The following DRGX variants were observed in gnomAD, a reference collection of about 807,000 sequenced individuals.
DRGX encodes the protein dorsal root ganglia homeobox protein.
Under a neutral mutation model 28.6 loss-of-function variants are expected in DRGX, and 21 were observed. The ratio of observed to expected loss-of-function variants is 0.73; its 90% CI spans 0.52 to 1.06. DRGX has a LOEUF of 1.06. DRGX is among the 50% of genes least tolerant of loss of function. DRGX has a pLI of 0.00. For synonymous variants in DRGX, 136 were observed against 139.1 expected, an observed-to-expected ratio of 0.98 and a Z score of 0.16; for missense variants, 354 against 343.9, an observed-to-expected ratio of 1.03 and a Z score of -0.23.
intron 2 of DRGX, chr10:49,391,706 C>CA (rs1849907426): frequency 2.2e-6 from 1 of 455,384 alleles, no homozygotes; most frequent in Non-Finnish European, 4.5e-6. Context: ...TTTCTATTAA[C>CA]AAGAATTAAA....
Position 49,391,182 on chromosome 10 carries a change from C to A in DRGX, c.114G>T (p.Thr38=), listed in dbSNP as rs374888788. 7 of 1,613,252 alleles carry A rather than the reference C, an allele frequency of 4.3e-6. No homozygotes were observed. The Admixed American group carries it at 1.0e-4, about 23-fold the overall frequency. The change falls in exon 3 of 7, where the codon ACG becomes ACT. Residue 38 remains threonine (T), a synonymous_variant. Transcript: ENST00000374139. ...FLRRKQRRNR[T]TFTLQQLEAL... ...TTGGTACCTGCTGAAGAGTGAACGT[C>A]GTCCGGTTCCGGCGCTGTTTTCTAC... is the stretch of plus-strand genomic sequence containing the variant.
intron 2 of DRGX, 127 bp downstream of exon 2, chr10:49,395,280 A>T (rs1849954272): frequency 8.5e-7 from 1 of 1,175,658 alleles, no homozygotes; most frequent in Non-Finnish European, 1.2e-6. Context: ...GGAGGCCCCT[A>T]CTCACCGGCA....
In DRGX at chr10:49,395,442, G is replaced by T; in HGVS notation, c.-2C>A. 1 of 1,550,234 alleles carries T rather than the reference G, an allele frequency of 6.5e-7. No homozygotes were observed. Among genetic ancestry groups the T allele is most frequent in the Non-Finnish European group, 8.7e-7 (1 of 1,146,892 alleles). Reference sequence around the variant, plus strand: ...TGGCGGGCAGTGGAAATAAAACATCGCCGGCTGTCAGATCGGCTGGACGGC... The same window carrying T: ...TGGCGGGCAGTGGAAATAAAACATCTCCGGCTGTCAGATCGGCTGGACGGC... On this transcript the variant is annotated 5_prime_UTR_variant, in exon 2 of 7. Coordinates refer to ENST00000374139, the MANE Select transcript of DRGX (RefSeq NM_001276451.2).
chr10:49,387,661 A>C (rs1849854725), intron 4 of DRGX, among the ~76,000 whole-genome samples: 1 of 97,134 alleles, frequency 1.0e-5, no homozygotes, highest in Non-Finnish European at 2.5e-5. Context: ...AGACTCCATC[A>C]CAAAAAAAAA....
intron 6 of DRGX, among the ~76,000 whole-genome samples, chr10:49,381,642 C>T (rs1182063479): frequency 3.3e-5 from 5 of 152,254 alleles, no homozygotes; most frequent in African/African-American, 4.8e-5. Context: ...ATAATGCTCT[C>T]GGCGGTGCCC....
At position 49,366,171 on chromosome 10, in the gene DRGX, C is replaced by G. The variant is rs375343755; in HGVS notation, c.737G>C (p.Ser246Thr). The G allele has an allele frequency of 6.8e-6, 11 of 1,612,038 alleles. No homozygotes were observed. The Admixed American group carries it at 1.8e-4, about 27-fold the overall frequency. ...PVAKPAPPDGSQEKTSPTKEQ... is the reference protein window; with the variant it reads ...PVAKPAPPDGTQEKTSPTKEQ... ...CTTGGTGGGAGAGGTCTTTTCCTGG[C>G]TGCCATCTGGGGGCGCCGGCTTGGC... The change falls in exon 7 of 7, where the codon AGC becomes ACC. Residue 246 changes from serine to threonine, a missense_variant. Physicochemically the swap from Ser to Thr is moderately conservative, Grantham distance 58. Transcript: ENST00000374139.
intron 6 of DRGX, among the ~76,000 whole-genome samples, chr10:49,383,655 G>A (rs926763727): frequency 1.3e-5 from 2 of 152,224 alleles, no homozygotes; most frequent in East Asian, 3.9e-4. Context: ...CAGAGGCAGG[G>A]CCTTTGGTAG....
chr10:49,391,438 C>T (rs1386818469), intron 2 of DRGX, among the ~76,000 whole-genome samples, 177 bp from the exon 3 acceptor site: 1 of 152,200 alleles, frequency 6.6e-6, no homozygotes, highest in East Asian at 1.9e-4. Context: ...GTCCCCAAAA[C>T]CTCTGACTTT....
chr10:49,371,586 G>T (rs1366019547), intron 6 of DRGX, among the ~76,000 whole-genome samples: 2 of 152,078 alleles, frequency 1.3e-5, no homozygotes, highest in African/African-American at 4.8e-5. Context: ...GAGGTCAGGA[G>T]TTCAAGACCA....
Position 49,366,363 on chromosome 10 carries a change from C to G in DRGX, c.545G>C (p.Cys182Ser), listed in dbSNP as rs770284135. The stretch of plus-strand genomic sequence containing the variant: ...GAGTCCCATGGGGTCTGGGACGCAG[C>G]AAGAGCACAGTGGGCCCCCTGGAAA... ...ASLKGGPLCS[C>S]CVPDPMGLSF... is the part of the protein sequence containing the mutation. Residue 182 changes from cysteine to serine, a missense_variant, in exon 7 of 7, where the codon TGC becomes TCC. By Grantham distance (112) the Cys-to-Ser change is moderately radical. Coordinates refer to ENST00000374139, the MANE Select transcript of DRGX (RefSeq NM_001276451.2). 1 of 1,608,746 alleles carries G rather than the reference C, an allele frequency of 6.2e-7. No individual in the cohort carries two copies. Among genetic ancestry groups the G allele is most frequent in the Admixed American group, 1.7e-5 (1 of 59,806 alleles).
chr10:49,373,187 A>G lies in DRGX; in HGVS notation c.527-6806T>C, dbSNP rs768910881. Among the ~76,000 whole-genome samples the G allele has an allele frequency of 9.9e-5, 15 of 152,224 alleles. 1 individual carries two copies. Among genetic ancestry groups the G allele is most frequent in the Non-Finnish European group, 1.8e-4 (12 of 68,026 alleles). On this transcript the variant is annotated intron_variant, in intron 6 of 6. Transcript: ENST00000374139. ...TGTGCACATATAGCAGCAAAAAATCATGAATCAACCCATGGCCCAGTAATA... is the reference window on the plus strand; with the variant it reads ...TGTGCACATATAGCAGCAAAAAATCGTGAATCAACCCATGGCCCAGTAATA...
In DRGX at chr10:49,366,300, G is replaced by A. The variant is rs770302415; in HGVS notation, c.608C>T (p.Thr203Met). 1.9e-5 allele frequency: 31 copies of A among 1,613,926 alleles called. No individual in the cohort carries two copies. The highest frequency in any genetic ancestry group is 6.7e-5 in the Admixed American group (4 of 60,024). Residue 203 changes from threonine to methionine, a missense_variant, in exon 7 of 7, where the codon ACG becomes ATG. By Grantham distance (81) the Thr-to-Met change is moderately conservative. Transcript: ENST00000374139. The stretch of plus-strand genomic sequence containing the variant: ...CATGCGCAGGGTGGCCACGCTGGCC[G>A]TGCGGTTACTCTGGCAGCCATAGGT... ...LPTYGCQSNR[T>M]ASVATLRMKA... is the part of the protein sequence containing the mutation.
At chr10:49,390,678 TCACTC>T (rs1362780754) in intron 3 of DRGX, among the ~76,000 whole-genome samples, 1 of 152,160 alleles carries the variant, frequency 6.6e-6, no homozygotes, top group African/African-American at 2.4e-5. Flanking sequence ...CCACTCCAGT[TCACTC>T]CAAGAGTAGG....
rs1331614742 is a variant in DRGX at position 49,365,690 on chromosome 10, G to A, written c.*426C>T. ...GTTCCCCAGTTCTTAAACACTGTAA[G>A]CGGGACAGGCCCTTTTCTTTTCATG... On this transcript the variant is annotated 3_prime_UTR_variant, in exon 7 of 7. Transcript: ENST00000374139. 6.3e-6 allele frequency: 1 copy of A among 158,950 alleles called. No individual in the cohort carries two copies. Among genetic ancestry groups the A allele is most frequent in the Non-Finnish European group, 1.4e-5 (1 of 73,020 alleles). The allele number at this position is 158,950 out of a possible 1,614,324, so 9.8% of individuals were successfully genotyped here. A position where few individuals can be genotyped will look rare whatever the true frequency, so the allele number is the denominator to read the frequency against.
intron 6 of DRGX, among the ~76,000 whole-genome samples, chr10:49,367,203 TAAA>T (rs1353775857): frequency 6.6e-6 from 1 of 151,600 alleles, no homozygotes; most frequent in East Asian, 1.9e-4. Context: ...AAAATAAAAA[TAAA>T]AAATAAATTA....
chr10:49,388,752 G>A (rs917709231), intron 4 of DRGX, among the ~76,000 whole-genome samples: 1 of 151,800 alleles, frequency 6.6e-6, no homozygotes, highest in Admixed American at 6.6e-5. Flanking sequence ...CATCAGCTTC[G>A]ATTAAGACCC....
At chr10:49,388,609 A>G (rs972299245) in intron 4 of DRGX, among the ~76,000 whole-genome samples, 13 of 152,282 alleles carry the variant, frequency 8.5e-5, no homozygotes, top group African/African-American at 3.1e-4. Flanking sequence ...AATGAAGGTC[A>G]CAGCTATAAC....
At chr10:49,395,181 T>C (rs1390302636) in intron 2 of DRGX, among the ~76,000 whole-genome samples, 1 of 152,118 alleles carries the variant, frequency 6.6e-6, no homozygotes, top group East Asian at 1.9e-4. Flanking sequence ...CGGGGCGTCC[T>C]GGCCCAGGCG....
At chr10:49,377,943 T>C (rs546530779) in intron 6 of DRGX, among the ~76,000 whole-genome samples, 127 of 152,338 alleles carry the variant, frequency 8.3e-4, no homozygotes, top group Admixed American at 1.4e-3. Flanking sequence ...CTCATGATCA[T>C]AGCTTCAAAC....
Sources: allele counts gnomAD v4.1 joint callset (sites outside exome capture counted in the v4.1 genomes callset), GRCh38; gene constraint gnomAD v4.1.1; transcripts MANE v1.5; gene names NCBI Gene and HGNC (gene_info 2026-07-23, HGNC 2026-07-21).